The following TMEM232 variants were observed in gnomAD, a reference collection of about 807,000 sequenced individuals.
TMEM232 encodes transmembrane protein 232.
In TMEM232, 80 loss-of-function variants were observed where a neutral mutation model predicts 78.8. The observed-to-expected ratio is 1.01, with a 90% confidence interval of 0.85 to 1.22. The LOEUF is 1.22. TMEM232 is among the 50% of genes most tolerant of loss of function. The probability of loss-of-function intolerance (pLI) is 0.00; values close to 1 mark genes in which losing one functional copy is unlikely to be tolerated. For missense variants in TMEM232, 881 were observed against 742.2 expected, an observed-to-expected ratio of 1.19 and a Z score of -2.17; for synonymous variants, 297 against 254.3, an observed-to-expected ratio of 1.17 and a Z score of -1.60.
chr5:110,698,203 G>A (rs1035766905), intron 1 of TMEM232, among the ~76,000 whole-genome samples: 7 of 151,814 alleles, frequency 4.6e-5, no homozygotes, highest in South Asian at 2.1e-4. Flanking sequence ...ACCAAACACC[G>A]CATGTTCTCA....
chr5:110,402,242 A>G (rs1469055612), intron 2 of TMEM232, among the ~76,000 whole-genome samples: 5 of 152,172 alleles, frequency 3.3e-5, no homozygotes, highest in African/African-American at 1.2e-4. Flanking sequence ...GCACTGCCTT[A>G]CTGATCCATC....
At chr5:110,603,273 A>G (rs936629513) in intron 10 of TMEM232, among the ~76,000 whole-genome samples, 1 of 152,184 alleles carries the variant, frequency 6.6e-6, no homozygotes, top group Non-Finnish European at 1.5e-5. Flanking sequence ...AGTTCTACAC[A>G]TGTATCCCAG....
chr5:110,549,124 A>G (rs761365298), intron 11 of TMEM232, among the ~76,000 whole-genome samples: 2 of 152,164 alleles, frequency 1.3e-5, no homozygotes, highest in Non-Finnish European at 2.9e-5. Flanking sequence ...TTACATGTGA[A>G]AGTAAATTAA....
chr5:110,599,698 A>C (rs1019896589), intron 10 of TMEM232, among the ~76,000 whole-genome samples: 6 of 152,010 alleles, frequency 3.9e-5, no homozygotes, highest in Non-Finnish European at 7.4e-5. Flanking sequence ...AGAGATATAG[A>C]CTCCCACACA....
chr5:110,628,188 G>A (rs1399626628), intron 5 of TMEM232, among the ~76,000 whole-genome samples: 2 of 152,028 alleles, frequency 1.3e-5, no homozygotes, highest in African/African-American at 2.4e-5. Context: ...AGTGAGTCAT[G>A]AAATCAATTG....
At chr5:110,672,645 A>G (rs909518861) in intron 1 of TMEM232, among the ~76,000 whole-genome samples, 8 of 152,154 alleles carry the variant, frequency 5.3e-5, no homozygotes, top group Admixed American at 5.2e-4. Flanking sequence ...AAGTAAATAA[A>G]CAAATAAACA....
chr5:110,684,030 T>TA (rs1178075718), intron 1 of TMEM232, among the ~76,000 whole-genome samples: 1 of 151,780 alleles, frequency 6.6e-6, no homozygotes, highest in Non-Finnish European at 1.5e-5. Flanking sequence ...TAAAAACAAA[T>TA]AAAAAAACTT....
At chr5:110,719,512 G>T (rs773242608) in intron 1 of TMEM232, among the ~76,000 whole-genome samples, 4 of 151,878 alleles carry the variant, frequency 2.6e-5, no homozygotes, top group Non-Finnish European at 5.9e-5. Context: ...CTGTATATGA[G>T]TCACACTTTC....
chr5:110,508,368 G>A (rs73784784), intron 12 of TMEM232, among the ~76,000 whole-genome samples: 6,502 of 151,456 alleles, frequency 0.043, 233 homozygotes, highest in African/African-American at 0.095. Flanking sequence ...TTTAAAAAAC[G>A]AGGTAGGAAA....
At position 110,410,639 on chromosome 5, in the gene TMEM232, T is replaced by TAAAAGC. The variant is rs1755960432; in HGVS notation, n.309-12791_309-12786dup. On this transcript the variant is annotated intron_variant and non_coding_transcript_variant, in intron 2 of 8. Transcript: ENST00000507188. The stretch of plus-strand genomic sequence containing the variant: ...TTCTCATATTCCTTTCCAATAACAA[T>TAAAAGC]AAAAGCAAAGAATAATGACTGATGT... Among the ~76,000 whole-genome samples, 7 of 152,220 alleles carry TAAAAGC rather than the reference T, an allele frequency of 4.6e-5. No homozygotes were observed. The South Asian group carries it at 1.5e-3, about 32-fold the overall frequency.
At chr5:110,605,502 T>C in intron 9 of TMEM232, 144 bp from the exon 10 acceptor site, 2 of 828,520 alleles carry the variant, frequency 2.4e-6, no homozygotes, top group Non-Finnish European at 3.5e-6. Flanking sequence ...TTACCATGAG[T>C]AGACTGCATA....
chr5:110,399,817 T>C (rs1239871506), intron 2 of TMEM232, among the ~76,000 whole-genome samples: 3 of 152,158 alleles, frequency 2.0e-5, no homozygotes, highest in Non-Finnish European at 2.9e-5. Flanking sequence ...CCTTACCAGA[T>C]TGCCACCTCA....
intron 12 of TMEM232, among the ~76,000 whole-genome samples, chr5:110,496,869 G>T (rs553583515): frequency 3.2e-4 from 49 of 152,094 alleles, no homozygotes; most frequent in African/African-American, 1.2e-3. Flanking sequence ...TAAGAAGAGA[G>T]AACACAGAGG....
chr5:110,725,090 G>T (rs985840272), intron 1 of TMEM232, among the ~76,000 whole-genome samples: 2 of 152,188 alleles, frequency 1.3e-5, no homozygotes, highest in Admixed American at 6.5e-5. Flanking sequence ...GGAAATATAA[G>T]CAAAAATAAA....
chr5:110,441,837 C>A (rs1257770625), intron 12 of TMEM232, among the ~76,000 whole-genome samples: 1 of 152,064 alleles, frequency 6.6e-6, no homozygotes, highest in Non-Finnish European at 1.5e-5. Flanking sequence ...CTGGGATGGT[C>A]CTCATTTTTC....
intron 12 of TMEM232, among the ~76,000 whole-genome samples, chr5:110,479,921 T>A (rs1186355548): frequency 6.6e-6 from 1 of 151,920 alleles, no homozygotes; most frequent in Admixed American, 6.6e-5. Flanking sequence ...CAATATAATT[T>A]TTTTAACATA....
rs1471721713 is a variant in TMEM232 at position 110,579,114 on chromosome 5, G to T, written c.1277-10489C>A. On this transcript the variant is annotated intron_variant, in intron 10 of 13. Coordinates refer to ENST00000455884, the MANE Select transcript of TMEM232 (RefSeq NM_001039763.4). ...GAAAGCAGTGAGAGAAAAACAACTT[G>T]TCATGTCAAGGGGATGATTGTAAGA... Among the ~76,000 whole-genome samples, 3 of 151,602 alleles carry T rather than the reference G, an allele frequency of 2.0e-5. No individual in the cohort carries two copies. In the East Asian group the frequency reaches 5.8e-4, roughly 29 times the overall value.
chr5:110,626,164 T>C (rs546334006), intron 6 of TMEM232, among the ~76,000 whole-genome samples: 1 of 152,038 alleles, frequency 6.6e-6, no homozygotes, highest in African/African-American at 2.4e-5. Context: ...TTGGGGATTT[T>C]ATTCTTGTAT....
chr5:110,690,456 T>C (rs543388947), intron 1 of TMEM232, among the ~76,000 whole-genome samples: 8 of 152,248 alleles, frequency 5.3e-5, no homozygotes, highest in Non-Finnish European at 4.4e-5. Context: ...ATGGCGATCA[T>C]TAAAAAGTCA....
Sources: gnomAD v4.1 joint callset for allele counts (sites outside exome capture counted in the v4.1 genomes callset) on GRCh38, gnomAD v4.1.1 for gene constraint, MANE v1.5 for transcripts, NCBI Gene and HGNC (gene_info 2026-07-23, HGNC 2026-07-21) for gene names.